Variants in EXOC6B observed in about 807,000 individuals in gnomAD.
EXOC6B encodes exocyst complex component 6B.
In EXOC6B, 54 loss-of-function variants were observed where a neutral mutation model predicts 113.5. That is an observed-to-expected ratio of 0.48 (90% CI 0.38 to 0.60). EXOC6B has a LOEUF of 0.60. Ranked by LOEUF, EXOC6B falls within the 20% of genes least tolerant of loss-of-function variation. EXOC6B has a pLI of 0.00. For synonymous variants in EXOC6B, 357 were observed against 339.0 expected (o/e 1.05, Z -0.58); for missense variants, 797 against 977.5 (o/e 0.82, Z 2.46).
chr2:72,523,877 G>T (rs973738632), intron 8 of EXOC6B, among the ~76,000 whole-genome samples: 5 of 151,856 alleles, frequency 3.3e-5, no homozygotes, highest in African/African-American at 1.2e-4. Context: ...ATTGGTATGG[G>T]GTCTATTGGA....
chr2:72,397,660 T>TAA (rs146573352), intron 18 of EXOC6B, among the ~76,000 whole-genome samples: 3 of 139,852 alleles, frequency 2.1e-5, no homozygotes, highest in African/African-American at 9.1e-5. Flanking sequence ...TAAAATAAAA[T>TAA]TATATATATA....
intron 17 of EXOC6B, among the ~76,000 whole-genome samples, chr2:72,474,066 T>C (rs1034165378): frequency 2.0e-5 from 3 of 152,044 alleles, no homozygotes; most frequent in Non-Finnish European, 4.4e-5. Flanking sequence ...TTTTTTCTTG[T>C]TTCAGCTCTT....
rs866665684 is a variant in EXOC6B, at chr2:72,798,978, C to T, written c.113+26820G>A. 2.0e-5 allele frequency among the ~76,000 whole-genome samples: 3 copies of T among 152,214 alleles called. No homozygotes were observed. The Middle Eastern group carries it at 0.01, about 518-fold the overall frequency. On this transcript the variant is annotated intron_variant, in intron 1 of 21. Coordinates refer to ENST00000272427, the MANE Select transcript of EXOC6B (RefSeq NM_015189.3). ...CTAAGGTTGGGTGTGGTGGCTCACGCCTGTAATCCCAGCACCTTAGGAGGC... is the reference window on the plus strand; with the variant it reads ...CTAAGGTTGGGTGTGGTGGCTCACGTCTGTAATCCCAGCACCTTAGGAGGC...
chr2:72,359,339 C>G (rs1288206015), intron 19 of EXOC6B, among the ~76,000 whole-genome samples: 4 of 152,078 alleles, frequency 2.6e-5, no homozygotes, highest in Non-Finnish European at 5.9e-5. Flanking sequence ...TAGCTAGGCC[C>G]TTTTTGCCCT....
chr2:72,397,628 AAT>A (rs1187557700), intron 18 of EXOC6B, among the ~76,000 whole-genome samples: 3 of 130,094 alleles, frequency 2.3e-5, no homozygotes, highest in African/African-American at 7.8e-5. Context: ...AAAAAAAAAA[AAT>A]AAAATAAAAT....
intron 6 of EXOC6B, among the ~76,000 whole-genome samples, chr2:72,652,958 C>A (rs576488363): frequency 6.6e-6 from 1 of 151,564 alleles, no homozygotes; most frequent in Non-Finnish European, 1.5e-5. Flanking sequence ...CCAGCCTGGG[C>A]AACATTGTGA....
intron 1 of EXOC6B, among the ~76,000 whole-genome samples, chr2:72,752,723 A>T (rs1339695320): frequency 1.3e-5 from 2 of 152,136 alleles, no homozygotes; most frequent in Non-Finnish European, 2.9e-5. Context: ...ACTCACAATG[A>T]ACATATTCTT....
chr2:72,450,449 A>AAC, intron 18 of EXOC6B, among the ~76,000 whole-genome samples: 1 of 152,320 alleles, frequency 6.6e-6, no homozygotes, highest in Non-Finnish European at 1.5e-5. Context: ...CAACTATCAC[A>AAC]TTATTTTAAA....
intron 20 of EXOC6B, among the ~76,000 whole-genome samples, chr2:72,329,731 G>A (rs997593990): frequency 3.3e-5 from 5 of 152,062 alleles, no homozygotes; most frequent in Admixed American, 6.6e-5. Flanking sequence ...AAGTTCTTGA[G>A]TTGTTCTCAA....
chr2:72,572,597 T>C (rs550836000), intron 7 of EXOC6B, among the ~76,000 whole-genome samples: 11 of 152,210 alleles, frequency 7.2e-5, no homozygotes, highest in Non-Finnish European at 1.0e-4. Flanking sequence ...ACAGTTACCA[T>C]GCTTACAGAT....
chr2:72,270,419 T>TG, intron 20 of EXOC6B, among the ~76,000 whole-genome samples: 1 of 152,278 alleles, frequency 6.6e-6, no homozygotes. Context: ...ATAGGGACAA[T>TG]GCTAGATGTC....
chr2:72,686,204 C>A (rs1677077979), intron 6 of EXOC6B, among the ~76,000 whole-genome samples: 1 of 152,120 alleles, frequency 6.6e-6, no homozygotes, highest in South Asian at 2.1e-4. Context: ...CTTTTAAGTT[C>A]CATGGTATAT....
intron 8 of EXOC6B, among the ~76,000 whole-genome samples, chr2:72,542,239 C>T (rs1234526433): frequency 6.6e-6 from 1 of 151,986 alleles, no homozygotes; most frequent in Non-Finnish European, 1.5e-5. Flanking sequence ...GAGAATAACC[C>T]AGAATTCTAG....
At chr2:72,294,475 G>A (rs942014586) in intron 20 of EXOC6B, among the ~76,000 whole-genome samples, 8 of 151,920 alleles carry the variant, frequency 5.3e-5, no homozygotes, top group South Asian at 2.1e-4. Flanking sequence ...TTGTAGAGAC[G>A]GGGTCTCATT....
intron 20 of EXOC6B, among the ~76,000 whole-genome samples, chr2:72,216,732 T>C (rs920922162): frequency 1.3e-5 from 2 of 152,002 alleles, no homozygotes; most frequent in African/African-American, 4.8e-5. Flanking sequence ...TAAAAAGGAA[T>C]GAGATCATGT....
chr2:72,373,773 G>A (rs891921638), intron 19 of EXOC6B, among the ~76,000 whole-genome samples: 8 of 152,184 alleles, frequency 5.3e-5, no homozygotes, highest in Non-Finnish European at 2.9e-5. Flanking sequence ...ACAAATGCTG[G>A]AAAGGATGTG....
intron 6 of EXOC6B, among the ~76,000 whole-genome samples, chr2:72,575,919 C>G (rs1704821985): frequency 6.6e-6 from 1 of 151,962 alleles, no homozygotes; most frequent in Non-Finnish European, 1.5e-5. Flanking sequence ...ACTCATTTTC[C>G]AAGTTAACAC....
chr2:72,420,068 C>G (rs188382365), intron 18 of EXOC6B, among the ~76,000 whole-genome samples: 17 of 152,242 alleles, frequency 1.1e-4, no homozygotes, highest in Admixed American at 1.0e-3. Context: ...TCTGCCTACT[C>G]AAATCTGTCT....
At chr2:72,251,848 T>C (rs1346845223) in intron 20 of EXOC6B, among the ~76,000 whole-genome samples, 1 of 152,196 alleles carries the variant, frequency 6.6e-6, no homozygotes, top group South Asian at 2.1e-4. Flanking sequence ...AAACCTCACA[T>C]CTGATCAACA....
Sources: gnomAD v4.1 joint callset for allele counts (sites outside exome capture counted in the v4.1 genomes callset) on GRCh38, gnomAD v4.1.1 for gene constraint, MANE v1.5 for transcripts, NCBI Gene and HGNC (gene_info 2026-07-23, HGNC 2026-07-21) for gene names.